The following COG5 variants were observed in gnomAD, a reference collection of about 807,000 sequenced individuals.
COG5 encodes the protein component of oligomeric golgi complex 5, also known as conserved oligomeric Golgi complex subunit 5.
Under a neutral mutation model 110.4 loss-of-function variants are expected in COG5, and 86 were observed. That is an observed-to-expected ratio of 0.78 (90% CI 0.65 to 0.93). COG5 has a LOEUF of 0.93. COG5 is among the 40% of genes least tolerant of loss of function. The pLI is 0.00. For missense variants in COG5, 1,077 were observed against 987.0 expected (o/e 1.09, Z -1.22); for synonymous variants, 360 against 334.6 (o/e 1.08, Z -0.83).
intron 5 of COG5, among the ~76,000 whole-genome samples, chr7:107,531,103 T>G (rs1409405363): frequency 1.3e-5 from 2 of 152,188 alleles, no homozygotes. Context: ...ATTTTTCTTG[T>G]TTTTAATCTG....
At chr7:107,231,488 T>A (rs1354230944) in intron 18 of COG5, among the ~76,000 whole-genome samples, 1 of 152,218 alleles carries the variant, frequency 6.6e-6, no homozygotes, top group Admixed American at 6.5e-5. Flanking sequence ...ACCAAGTGCA[T>A]ATGCGAACTT....
intron 7 of COG5, among the ~76,000 whole-genome samples, chr7:107,380,532 C>T (rs1815025839): frequency 6.6e-6 from 1 of 152,122 alleles, no homozygotes; most frequent in Admixed American, 6.5e-5. Context: ...ATACTATAAA[C>T]ACCTCTACAC....
At position 107,508,269 on chromosome 7, in the gene COG5, G is replaced by A. The variant is rs373686066; in HGVS notation, c.538+18968C>T. Among the ~76,000 whole-genome samples the A allele has an allele frequency of 5.9e-5, 9 of 152,362 alleles. No individual in the cohort carries two copies. In the South Asian group the frequency reaches 1.9e-3, roughly 32 times the overall value. On this transcript the variant is annotated intron_variant, in intron 6 of 21. Transcript: ENST00000297135. ...GCTCGGAGGGTCCTATGCCCACAGA[G>A]TCTCGCTGATTGCTAGCACAGCAGT...
intron 12 of COG5, among the ~76,000 whole-genome samples, 153 bp from the exon 13 acceptor site, chr7:107,283,885 T>C (rs1312780003): frequency 6.6e-6 from 1 of 152,184 alleles, no homozygotes; most frequent in Admixed American, 6.5e-5. Context: ...ACAACGTACA[T>C]ATTTACCAAT....
At chr7:107,425,343 CA>C (rs35373213) in intron 6 of COG5, among the ~76,000 whole-genome samples, 3,236 of 111,196 alleles carry the variant, frequency 0.029, 99 homozygotes, top group African/African-American at 0.097. Context: ...ACTCTGTCTC[CA>C]AAAAAAAAAA....
chr7:107,363,887 G>A (rs1310409933), intron 8 of COG5, among the ~76,000 whole-genome samples: 7 of 151,644 alleles, frequency 4.6e-5, no homozygotes, highest in South Asian at 2.1e-4. Flanking sequence ...CCCAGGAGGC[G>A]GAGGTTACAA....
chr7:107,218,298 T>C (rs28799407), intron 19 of COG5, among the ~76,000 whole-genome samples: 17,227 of 152,096 alleles, frequency 0.11, 2,279 homozygotes, highest in African/African-American at 0.32. Flanking sequence ...TCAGATTCAA[T>C]GCAATCCCTA....
chr7:107,221,690 G>A (rs1799936750), intron 19 of COG5, among the ~76,000 whole-genome samples: 1 of 151,674 alleles, frequency 6.6e-6, no homozygotes, highest in African/African-American at 2.4e-5. Context: ...GCGTGAACCT[G>A]GGAGGCAGAG....
intron 6 of COG5, chr7:107,475,506 G>A (rs2129113707): frequency 1.9e-6 from 1 of 518,194 alleles, no homozygotes; most frequent in East Asian, 3.1e-5. Context: ...AATTAGATAG[G>A]TCATATATAT....
chr7:107,414,245 C>T (rs1033094443), intron 6 of COG5, among the ~76,000 whole-genome samples: 14 of 152,220 alleles, frequency 9.2e-5, no homozygotes, highest in African/African-American at 3.1e-4. Context: ...CACATCTTGA[C>T]AATTAAACCT....
At position 107,434,678 on chromosome 7, in the gene COG5, T is replaced by C. The variant is rs142453027; in HGVS notation, c.539-22046A>G. On this transcript the variant is annotated intron_variant, in intron 6 of 21. Transcript: ENST00000297135. ...CCCAATAGGATATTAGCCTTAAAAA[T>C]GAACAAAATTGGCTGGGCGCGGTGG... Among the ~76,000 whole-genome samples the C allele has an allele frequency of 5.6e-3, 854 of 152,002 alleles. 3 individuals are homozygous for C. The highest frequency in any genetic ancestry group is 0.02 in the African/African-American group (831 of 41,510).
At chr7:107,245,044 C>G (rs919490290) in intron 17 of COG5, among the ~76,000 whole-genome samples, 2 of 152,046 alleles carry the variant, frequency 1.3e-5, no homozygotes, top group African/African-American at 4.8e-5. Context: ...CCCCGGGACA[C>G]GAGATTGGTT....
intron 14 of COG5, among the ~76,000 whole-genome samples, chr7:107,274,594 G>A (rs971161012): frequency 2.6e-5 from 4 of 152,124 alleles, no homozygotes; most frequent in African/African-American, 9.7e-5. Flanking sequence ...GTTAAGGCCA[G>A]CCTAGAACAG....
intron 12 of COG5, among the ~76,000 whole-genome samples, chr7:107,293,562 T>G (rs1806346402): frequency 6.6e-6 from 1 of 152,202 alleles, no homozygotes; most frequent in Admixed American, 6.5e-5. Context: ...TAGGACCATT[T>G]CTGGACTCCA....
At chr7:107,322,574 T>C (rs750078622) in intron 11 of COG5, among the ~76,000 whole-genome samples, 1 of 151,982 alleles carries the variant, frequency 6.6e-6, no homozygotes, top group Non-Finnish European at 1.5e-5. Flanking sequence ...TAACTGACAA[T>C]ATCATGGATT....
At chr7:107,257,437 A>C (rs1802970378) in intron 15 of COG5, among the ~76,000 whole-genome samples, 1 of 152,164 alleles carries the variant, frequency 6.6e-6, no homozygotes, top group African/African-American at 2.4e-5. Context: ...AATTGATAAA[A>C]GGACTTGTTA....
chr7:107,222,483 C>T (rs535943217), intron 19 of COG5, among the ~76,000 whole-genome samples: 9 of 152,182 alleles, frequency 5.9e-5, no homozygotes, highest in Admixed American at 1.3e-4. Flanking sequence ...GGATTACAGG[C>T]GTGAGCCACC....
chr7:107,502,348 C>G (rs753792949), intron 6 of COG5, among the ~76,000 whole-genome samples: 4 of 152,064 alleles, frequency 2.6e-5, no homozygotes, highest in African/African-American at 9.7e-5. Context: ...TTACTTCATT[C>G]CTTTTTATGG....
chr7:107,252,948 T>C (rs1311432601), intron 16 of COG5: 5 of 152,152 alleles, frequency 3.3e-5, no homozygotes, highest in Non-Finnish European at 1.5e-5. Context: ...CAGCTAACAT[T>C]ATTATATCAT....
Sources: allele counts gnomAD v4.1 joint callset (sites outside exome capture counted in the v4.1 genomes callset), GRCh38; gene constraint gnomAD v4.1.1; transcripts MANE v1.5; gene names NCBI Gene and HGNC (gene_info 2026-07-23, HGNC 2026-07-21).